FAM114A2: variants seen among roughly 807,000 people sequenced by gnomAD.
The protein encoded by FAM114A2 is protein FAM114A2.
A neutral mutation model predicts 58.4 loss-of-function variants in FAM114A2; 53 were observed. That is an observed-to-expected ratio of 0.91 (90% CI 0.73 to 1.14). The LOEUF (loss-of-function observed/expected upper bound fraction) is 1.14, where lower values mean the gene tolerates loss of function less well. Among genes scored for constraint, FAM114A2 ranks in the 50% most tolerant of loss-of-function variants. The probability of loss-of-function intolerance (pLI) is 0.00; values close to 1 mark genes in which losing one functional copy is unlikely to be tolerated. For synonymous variants in FAM114A2, 228 were observed against 211.4 expected, an observed-to-expected ratio of 1.08 and a Z score of -0.68; for missense variants, 601 against 581.1, an observed-to-expected ratio of 1.03 and a Z score of -0.35.
chr5:154,020,666 C>G (rs531910873), intron 8 of FAM114A2, among the ~76,000 whole-genome samples: 1 of 151,980 alleles, frequency 6.6e-6, no homozygotes, highest in Non-Finnish European at 1.5e-5. Flanking sequence ...AGCTTACCAA[C>G]CAAAAAAAGT....
chr5:154,009,570 A>G (rs563692305), intron 9 of FAM114A2, among the ~76,000 whole-genome samples: 3 of 152,338 alleles, frequency 2.0e-5, no homozygotes, highest in Admixed American at 6.5e-5. Context: ...CTCCTCACAG[A>G]AAGTTTATTA....
intron 13 of FAM114A2, among the ~76,000 whole-genome samples, chr5:153,994,240 C>T (rs1262272243): frequency 6.6e-6 from 1 of 152,144 alleles, no homozygotes; most frequent in East Asian, 1.9e-4. Flanking sequence ...CAATTAACAT[C>T]TAAAACTTAA....
At position 154,034,906 on chromosome 5, in the gene FAM114A2, G is replaced by T. The variant is rs1772447150; in HGVS notation, c.48C>A (p.Ala16=). ...CACAGTTTCCATCTTCAAGGATGGG[G>T]GCTGCTTCAGTTAGCAGTGGAGTCT... is the stretch of plus-strand genomic sequence containing the variant. ...DIETPLLTEA[A]PILEDGNCEP... is the part of the protein sequence containing the mutation. Residue 16 remains alanine, a synonymous_variant, in exon 2 of 14, where the codon GCC becomes GCA. Coordinates refer to ENST00000351797, the MANE Select transcript of FAM114A2 (RefSeq NM_018691.4). 6.2e-7 allele frequency: 1 copy of T among 1,613,756 alleles called. No homozygotes were observed. The highest frequency in any genetic ancestry group is 8.5e-7 in the Non-Finnish European group (1 of 1,179,834).
chr5:154,022,363 A>G (rs541568001), intron 8 of FAM114A2, among the ~76,000 whole-genome samples: 3 of 152,372 alleles, frequency 2.0e-5, no homozygotes, highest in South Asian at 4.1e-4. Context: ...ACAGAATGGG[A>G]GAAGATGTTT....
In FAM114A2 at chr5:154,034,789, G is replaced by T; in HGVS notation, c.165C>A (p.Thr55=). ...AAGTCTCAAGGTCACTGGAAGGTTT[G>T]GTCTCTGGTCTTTTCCGAGTGGAAA... ...PVVSTRKRPE[T]KPSSDLETSK... Residue 55 remains threonine (T), a synonymous_variant, in exon 2 of 14, where the codon ACC becomes ACA. Transcript: ENST00000351797. The T allele has an allele frequency of 6.2e-7, 1 of 1,613,950 alleles. No individual in the cohort carries two copies. Among genetic ancestry groups the T allele is most frequent in the Non-Finnish European group, 8.5e-7 (1 of 1,179,928 alleles).
chr5:153,994,626 C>A (rs1015638927), intron 13 of FAM114A2: 6 of 238,158 alleles, frequency 2.5e-5, no homozygotes, highest in Non-Finnish European at 4.1e-5. Flanking sequence ...TGTTTACCAG[C>A]TGGTATTCAG....
chr5:154,035,247 T>A (rs1349345711), intron 1 of FAM114A2, among the ~76,000 whole-genome samples: 1 of 152,202 alleles, frequency 6.6e-6, no homozygotes, highest in Non-Finnish European at 1.5e-5. Flanking sequence ...TTTTATCGCA[T>A]GTATACCTTT....
At chr5:154,035,984 C>A (rs911451041) in intron 1 of FAM114A2, among the ~76,000 whole-genome samples, 23 of 152,058 alleles carry the variant, frequency 1.5e-4, no homozygotes, top group African/African-American at 5.3e-4. Context: ...ATCTGTATAT[C>A]CTTGTCAGTG....
rs201004328 is a variant in FAM114A2, at chr5:154,033,799, T to A, written c.395A>T (p.Tyr132Phe). Reference protein sequence around the residue: ...GPSEISTEVKYVAGETNAKEN... With the variant: ...GPSEISTEVKFVAGETNAKEN... ...TGTTTCCATATACTGACCTGCTACA[T>A]ACTTGACTTCAGTTGAAATTTCACT... Residue 132 changes from tyrosine (Y) to phenylalanine (F), a missense_variant, in exon 4 of 14, where the codon TAT becomes TTT. Physicochemically the swap from Tyr to Phe is conservative, Grantham distance 22 (BLOSUM62 3). Coordinates refer to ENST00000351797, the MANE Select transcript of FAM114A2 (RefSeq NM_018691.4). 2 of 1,579,936 alleles carry A rather than the reference T, an allele frequency of 1.3e-6. No individual in the cohort carries two copies. Among genetic ancestry groups the A allele is most frequent in the Non-Finnish European group, 8.7e-7 (1 of 1,149,748 alleles).
intron 8 of FAM114A2, among the ~76,000 whole-genome samples, chr5:154,024,213 G>C (rs1480860643): frequency 2.0e-5 from 3 of 152,150 alleles, no homozygotes; most frequent in Admixed American, 6.5e-5. Context: ...TCTCAAACTT[G>C]TTGGTCTCAG....
chr5:154,000,192 G>A (rs1769886300), intron 11 of FAM114A2, among the ~76,000 whole-genome samples: 2 of 152,136 alleles, frequency 1.3e-5, no homozygotes, highest in Admixed American at 6.6e-5. Flanking sequence ...ACCAGAAATG[G>A]GGAAAGGTGG....
Position 153,990,559 on chromosome 5 carries a change from A to C in FAM114A2, c.*2417T>G. The C allele has an allele frequency of 6.6e-6, 1 of 151,946 alleles. No individual in the cohort carries two copies. The highest frequency in any genetic ancestry group is 1.9e-4 in the East Asian group (1 of 5,194). The allele number at this position is 151,946 out of a possible 1,614,324, so 9.4% of individuals were successfully genotyped here. A position where few individuals can be genotyped will look rare whatever the true frequency, so the allele number is the denominator to read the frequency against. The stretch of plus-strand genomic sequence containing the variant: ...GGAAAATATAGCTTGTCCTTAACAC[A>C]TTTCTAAGGTATTATGCAAAGGAAA... On this transcript the variant is annotated 3_prime_UTR_variant, in exon 14 of 14. Coordinates refer to ENST00000351797, the MANE Select transcript of FAM114A2 (RefSeq NM_018691.4).
At chr5:154,021,600 G>T (rs1771425285) in intron 8 of FAM114A2, among the ~76,000 whole-genome samples, 1 of 152,110 alleles carries the variant, frequency 6.6e-6, no homozygotes, top group Non-Finnish European at 1.5e-5. Flanking sequence ...GGGATGAGAA[G>T]GACCTCTTCA....
At chr5:154,002,668 TTCTC>T (rs1365215811) in intron 10 of FAM114A2, among the ~76,000 whole-genome samples, 175 bp downstream of exon 10, 2 of 152,174 alleles carry the variant, frequency 1.3e-5, no homozygotes, top group African/African-American at 4.8e-5. Flanking sequence ...CGCGCATCCT[TTCTC>T]TCTTTTTTTC....
intron 8 of FAM114A2, among the ~76,000 whole-genome samples, chr5:154,011,536 C>T (rs1449754579): frequency 2.0e-5 from 3 of 152,032 alleles, no homozygotes; most frequent in Non-Finnish European, 2.9e-5. Context: ...GAGAAAAGTG[C>T]CATTATTCCA....
chr5:154,002,258 G>C lies in FAM114A2; in HGVS notation c.1249C>G (p.Leu417Val), dbSNP rs201640396. The C allele has an allele frequency of 3.2e-5, 52 of 1,613,428 alleles. No individual in the cohort carries two copies. Among genetic ancestry groups the C allele is most frequent in the Non-Finnish European group, 4.0e-5 (47 of 1,179,504 alleles). The change falls in exon 11 of 14, where the codon CTT becomes GTT. Residue 417 changes from leucine to valine, a missense_variant. Transcript: ENST00000351797. ...EVTAIERSQT[L>V]SQMTIVLCKE... ...AATTCTCATTACACTTACTGGGAAA[G>C]AGTTTGGCTCCTTTCTATGGCTGTC...
Position 153,994,962 on chromosome 5 carries a change from A to G in FAM114A2, c.1340T>C (p.Met447Thr), listed in dbSNP as rs1452670724. 6.2e-7 allele frequency: 1 copy of G among 1,609,110 alleles called. No individual in the cohort carries two copies. Among genetic ancestry groups the G allele is most frequent in the East Asian group, 2.2e-5 (1 of 44,756 alleles). The stretch of plus-strand genomic sequence containing the variant: ...GATTAATGGGTTAAGGACATCTGCC[A>G]TTTCTTTGACCTGGAATAACGAATA... The part of the protein sequence containing the change: ...TCLTTAGVKE[M>T]ADVLNPLITA... The change falls in exon 13 of 14, where the codon ATG (methionine) becomes ACG (threonine). Residue 447 changes from methionine to threonine, a missense_variant. By Grantham distance (81) the Met-to-Thr change is moderately conservative. Transcript: ENST00000351797.
At chr5:153,997,215 A>G (rs1244862059) in intron 12 of FAM114A2, among the ~76,000 whole-genome samples, 1 of 152,108 alleles carries the variant, frequency 6.6e-6, no homozygotes, top group East Asian at 1.9e-4. Context: ...TTCCTTAATG[A>G]CCCATATCAC....
At chr5:154,001,459 C>T (rs1192563590) in intron 11 of FAM114A2, among the ~76,000 whole-genome samples, 1 of 152,066 alleles carries the variant, frequency 6.6e-6, no homozygotes, top group African/African-American at 2.4e-5. Flanking sequence ...AGTCTCTCAT[C>T]CTTAAGGAAG....
Sources: allele counts gnomAD v4.1 joint callset (sites outside exome capture counted in the v4.1 genomes callset), GRCh38; gene constraint gnomAD v4.1.1; transcripts MANE v1.5; gene names NCBI Gene and HGNC (gene_info 2026-07-23, HGNC 2026-07-21).